NDUFS4: variants seen among roughly 807,000 people sequenced by gnomAD.
NDUFS4 encodes NADH:ubiquinone oxidoreductase subunit S4.
NDUFS4 carries 28 observed loss-of-function variants against 24.3 expected under a neutral mutation model. That is an observed-to-expected ratio of 1.15 (90% confidence interval 0.85 to 1.58). NDUFS4 has a LOEUF of 1.58. Among genes scored for constraint, NDUFS4 ranks in the 40% most tolerant of loss-of-function variants. The probability of loss-of-function intolerance (pLI) is 0.00; values close to 1 mark genes in which losing one functional copy is unlikely to be tolerated. For synonymous variants in NDUFS4, 93 were observed against 69.7 expected (o/e 1.34, Z -1.67); for missense variants, 223 against 207.9 (o/e 1.07, Z -0.45).
At chr5:53,589,904 G>C (rs1347380889) in intron 1 of NDUFS4, among the ~76,000 whole-genome samples, 2 of 152,126 alleles carry the variant, frequency 1.3e-5, no homozygotes, top group African/African-American at 4.8e-5. Flanking sequence ...TTGGGACTCG[G>C]GTTGGCTTTC....
At chr5:53,601,489 A>G (rs1750324452) in intron 1 of NDUFS4, among the ~76,000 whole-genome samples, 1 of 152,214 alleles carries the variant, frequency 6.6e-6, no homozygotes, top group African/African-American at 2.4e-5. Context: ...AATCGTTTTA[A>G]GTTAAATCCC....
chr5:53,608,552 C>A (rs1429273242), intron 2 of NDUFS4, among the ~76,000 whole-genome samples: 1 of 152,214 alleles, frequency 6.6e-6, no homozygotes, highest in Non-Finnish European at 1.5e-5. Flanking sequence ...GTTGTCATTT[C>A]AGCAACGTTC....
intron 4 of NDUFS4, among the ~76,000 whole-genome samples, chr5:53,667,473 A>T (rs1752551652): frequency 1.5e-5 from 2 of 129,924 alleles, no homozygotes; most frequent in South Asian, 5.4e-4. Context: ...AATAAGAGCA[A>T]AAACTCTGTC....
intron 1 of NDUFS4, among the ~76,000 whole-genome samples, chr5:53,566,180 A>G (rs1433332401): frequency 6.6e-6 from 1 of 152,226 alleles, no homozygotes; most frequent in Non-Finnish European, 1.5e-5. Flanking sequence ...AAAAAAGTTA[A>G]TAATACACGG....
intron 1 of NDUFS4, among the ~76,000 whole-genome samples, chr5:53,599,762 G>A (rs1003910817): frequency 1.1e-4 from 17 of 151,886 alleles, no homozygotes; most frequent in Middle Eastern, 3.4e-3. Flanking sequence ...TAGTTTTGAT[G>A]TTTTTGGTTT....
rs1410575983 is a variant in NDUFS4, at chr5:53,635,046, T to C, written c.178-11187T>C. Among the ~76,000 whole-genome samples the C allele has an allele frequency of 4.0e-5, 6 of 150,236 alleles. No individual in the cohort carries two copies. In the East Asian group the frequency reaches 8.1e-4, roughly 20 times the overall value. On this transcript the variant is annotated intron_variant, in intron 2 of 4. Coordinates refer to ENST00000296684, the MANE Select transcript of NDUFS4 (RefSeq NM_002495.4). Reference sequence around the variant, plus strand: ...CACTACTAAAAATGTAAAAATTAGCTAGGCGAGGTGGCAGGCACCTGTAAT... The same window carrying C: ...CACTACTAAAAATGTAAAAATTAGCCAGGCGAGGTGGCAGGCACCTGTAAT...
intron 1 of NDUFS4, among the ~76,000 whole-genome samples, chr5:53,562,056 T>C (rs1325164785): frequency 6.6e-6 from 1 of 152,072 alleles, no homozygotes; most frequent in East Asian, 1.9e-4. Flanking sequence ...CAGGCTGTAG[T>C]GCAATGGCGT....
Position 53,646,229 on chromosome 5 carries a change from G to A in NDUFS4, c.178-4G>A, listed in dbSNP as rs200384843. The A allele has an allele frequency of 5.0e-6, 8 of 1,601,746 alleles. No homozygotes were observed. The East Asian group carries it at 1.6e-4, about 31-fold the overall frequency. The stretch of plus-strand genomic sequence containing the variant: ...ACGTGTTTTTTTTTCTTGTTTTTCT[G>A]TAGGATATCACTACTTTAACTGGAG... On this transcript the variant is annotated splice_polypyrimidine_tract_variant and splice_region_variant and intron_variant, in intron 2 of 4. Coordinates refer to ENST00000296684, the MANE Select transcript of NDUFS4 (RefSeq NM_002495.4).
At chr5:53,628,050 C>T (rs1394244195) in intron 2 of NDUFS4, among the ~76,000 whole-genome samples, 4 of 152,054 alleles carry the variant, frequency 2.6e-5, no homozygotes, top group African/African-American at 7.2e-5. Context: ...TTTTGAGATA[C>T]GTTCCATAAT....
intron 4 of NDUFS4, among the ~76,000 whole-genome samples, chr5:53,664,424 G>T (rs987761724): frequency 6.6e-6 from 1 of 152,160 alleles, no homozygotes; most frequent in African/African-American, 2.4e-5. Flanking sequence ...CCTGCAGAGT[G>T]TTTTCCAACT....
At chr5:53,640,695 C>T (rs939844228) in intron 2 of NDUFS4, among the ~76,000 whole-genome samples, 12 of 152,242 alleles carry the variant, frequency 7.9e-5, no homozygotes, top group African/African-American at 2.6e-4. Flanking sequence ...GGGATCTGCT[C>T]CAATGACCCA....
At chr5:53,622,109 A>G (rs1385258705) in intron 2 of NDUFS4, among the ~76,000 whole-genome samples, 1 of 152,196 alleles carries the variant, frequency 6.6e-6, no homozygotes, top group Non-Finnish European at 1.5e-5. Flanking sequence ...GCTCTTAATT[A>G]TTATACTTCA....
chr5:53,675,817 T>C (rs182739086), intron 4 of NDUFS4, among the ~76,000 whole-genome samples: 2 of 152,296 alleles, frequency 1.3e-5, no homozygotes, highest in Admixed American at 6.5e-5. Flanking sequence ...CCCAGATTAG[T>C]AGAGAGCAAA....
intron 1 of NDUFS4, among the ~76,000 whole-genome samples, chr5:53,569,425 A>T (rs1162415139): frequency 6.6e-6 from 1 of 152,092 alleles, no homozygotes; most frequent in Non-Finnish European, 1.5e-5. Flanking sequence ...ACCTTTTTAG[A>T]TGTTCAGTGT....
intron 2 of NDUFS4, among the ~76,000 whole-genome samples, chr5:53,605,838 C>G (rs1750480623): frequency 6.6e-6 from 1 of 151,942 alleles, no homozygotes; most frequent in Non-Finnish European, 1.5e-5. Flanking sequence ...CATGGTGAAA[C>G]CTCATCTCTA....
intron 2 of NDUFS4, among the ~76,000 whole-genome samples, chr5:53,622,324 A>C (rs998615283): frequency 6.6e-6 from 1 of 152,170 alleles, no homozygotes; most frequent in Non-Finnish European, 1.5e-5. Context: ...TTCAAACAAC[A>C]GAAATTTAGT....
intron 4 of NDUFS4, among the ~76,000 whole-genome samples, chr5:53,668,784 CT>C (rs1752589925): frequency 6.6e-6 from 1 of 152,014 alleles, no homozygotes; most frequent in South Asian, 2.1e-4. Context: ...TTAATGCCCT[CT>C]AATTATATTT....
intron 4 of NDUFS4, among the ~76,000 whole-genome samples, chr5:53,674,711 CAT>C (rs1554061639): frequency 6.6e-6 from 1 of 152,040 alleles, no homozygotes; most frequent in Non-Finnish European, 1.5e-5. Context: ...TATTACAAAA[CAT>C]AATTATTGTT....
intron 1 of NDUFS4, among the ~76,000 whole-genome samples, chr5:53,579,682 C>T (rs1285169139): frequency 6.6e-6 from 1 of 152,130 alleles, no homozygotes; most frequent in East Asian, 1.9e-4. Flanking sequence ...CGCCACTGCA[C>T]CCCAGCCTGG....
Sources: gnomAD v4.1 joint callset for allele counts (sites outside exome capture counted in the v4.1 genomes callset) on GRCh38, gnomAD v4.1.1 for gene constraint, MANE v1.5 for transcripts, NCBI Gene and HGNC (gene_info 2026-07-23, HGNC 2026-07-21) for gene names.